GIT1: variants seen among roughly 807,000 people sequenced by gnomAD.
The protein encoded by GIT1 is GIT ArfGAP 1.
Under a neutral mutation model 91.7 loss-of-function variants are expected in GIT1, and 14 were observed. The observed-to-expected ratio is 0.15, with a 90% CI of 0.10 to 0.24. The LOEUF is 0.24. Ranked by LOEUF, GIT1 falls within the 10% of genes least tolerant of loss-of-function variation. GIT1 has a pLI of 1.00. For synonymous variants in GIT1, 414 were observed against 418.2 expected, an observed-to-expected ratio of 0.99 and a Z score of 0.12; for missense variants, 717 against 1,024.9, an observed-to-expected ratio of 0.70 and a Z score of 4.10.
chr17:29,582,098 C>A lies in GIT1; in HGVS notation c.452G>T (p.Arg151Leu), dbSNP rs770434832. Residue 151 changes from arginine to leucine, a missense_variant, in exon 5 of 20, where the codon CGC (arginine) becomes CTC (leucine). Transcript: ENST00000225394. Reference protein sequence around the residue: ...VRTGNLETCLRLLSLGAQANF... With the variant: ...VRTGNLETCLLLLSLGAQANF... ...GGCCTGGGCACCCAGGGAGAGCAGG[C>A]GCAGACATGTCTCCAGGTTGCCTGT... 6.2e-7 allele frequency: 1 copy of A among 1,601,882 alleles called. No individual in the cohort carries two copies. Among genetic ancestry groups the A allele is most frequent in the Non-Finnish European group, 8.5e-7 (1 of 1,178,806 alleles).
chr17:29,578,119 C>T (rs535713944), intron 9 of GIT1, among the ~76,000 whole-genome samples, 180 bp downstream of exon 9: 22 of 152,328 alleles, frequency 1.4e-4, no homozygotes, highest in African/African-American at 5.3e-4. Flanking sequence ...CCGCCTCCCC[C>T]TCAGCACTCT....
At chr17:29,588,278 C>G (rs2033666250) in intron 1 of GIT1, among the ~76,000 whole-genome samples, 1 of 152,214 alleles carries the variant, frequency 6.6e-6, no homozygotes, top group Admixed American at 6.5e-5. Context: ...AGGGAGATAG[C>G]TCCTTTGCTA....
At chr17:29,586,769 G>A (rs1423485886) in intron 1 of GIT1, among the ~76,000 whole-genome samples, 2 of 152,282 alleles carry the variant, frequency 1.3e-5, no homozygotes, top group African/African-American at 2.4e-5. Context: ...GACTGAGATC[G>A]TGTGGCGAGG....
chr17:29,585,227 C>G (rs2033554972), intron 1 of GIT1, among the ~76,000 whole-genome samples: 3 of 152,086 alleles, frequency 2.0e-5, no homozygotes, highest in Admixed American at 6.5e-5. Context: ...CCTCCCTCTC[C>G]CCACTCCAAA....
At chr17:29,582,224 C>T (rs1030233533) in intron 4 of GIT1, 80 bp from the exon 5 acceptor site, 1 of 1,066,016 alleles carries the variant, frequency 9.4e-7, no homozygotes, top group Non-Finnish European at 1.4e-6. Context: ...CCTGGCTGCC[C>T]CTGGGACACC....
intron 7 of GIT1, chr17:29,580,917 A>AT (rs1381574974): frequency 1.9e-5 from 4 of 212,762 alleles, no homozygotes; most frequent in South Asian, 7.3e-5. Flanking sequence ...AGTAGCTGAG[A>AT]TACAGGCATG....
intron 3 of GIT1, 24 bp from the exon 4 acceptor site, chr17:29,582,827 T>C (rs1396351172): frequency 1.3e-6 from 2 of 1,595,968 alleles, no homozygotes; most frequent in African/African-American, 1.3e-5. Context: ...ACAGGAGGAA[T>C]GGGGAGCATG....
At position 29,576,888 on chromosome 17, in the gene GIT1, C is replaced by A; in HGVS notation, c.1202G>T (p.Gly401Val). The A allele has an allele frequency of 6.3e-7, 1 of 1,575,790 alleles. No individual in the cohort carries two copies. The highest frequency in any genetic ancestry group is 8.6e-7 in the Non-Finnish European group (1 of 1,162,418). ...DTDQEPLRST[G>V]ATRSNRARSM... is the part of the protein sequence containing the mutation. ...CCGGGCCCGGTTGCTCCGAGTGGCG[C>A]CGGTGCTGCGCAGGGGCTCCTGGTC... Residue 401 changes from glycine (G) to valine (V), a missense_variant, in exon 12 of 20, where the codon GGC becomes GTC. Gly to Val is a moderately radical substitution (Grantham distance 109). Coordinates refer to ENST00000225394, the MANE Select transcript of GIT1 (RefSeq NM_014030.4).
intron 10 of GIT1, 141 bp from the exon 11 acceptor site, chr17:29,577,388 G>T: frequency 1.4e-6 from 1 of 731,024 alleles, no homozygotes; most frequent in Non-Finnish European, 2.3e-6. Context: ...CACCTGGCTA[G>T]TCAGCAGCCA....
chr17:29,583,861 C>T, intron 1 of GIT1: 1 of 503,946 alleles, frequency 2.0e-6, no homozygotes, highest in Non-Finnish European at 3.5e-6. Context: ...ATATGCAGTC[C>T]CCAGGGCCCA....
chr17:29,584,643 A>G (rs1199370220), intron 1 of GIT1, among the ~76,000 whole-genome samples: 1 of 152,198 alleles, frequency 6.6e-6, no homozygotes, highest in Non-Finnish European at 1.5e-5. Context: ...TGCTCTGCCC[A>G]GCGGCCCCCA....
Position 29,583,573 on chromosome 17 carries a change from G to A in GIT1, c.96C>T (p.Asp32=), listed in dbSNP as rs550562736. The change falls in exon 2 of 20, where the codon GAC becomes GAT. Residue 32 remains aspartate, a synonymous_variant. Coordinates refer to ENST00000225394, the MANE Select transcript of GIT1 (RefSeq NM_014030.4). ...ASISRGVLVC[D]ECCSVHRSLG... is the part of the protein sequence containing the mutation. The stretch of plus-strand genomic sequence containing the variant: ...GGCTCCGGTGCACGCTGCAGCACTC[G>A]TCACACACCAGCACACCCCTGCTGA... 3.5e-5 allele frequency: 56 copies of A among 1,608,128 alleles called. 1 individual carries two copies. The highest frequency in any genetic ancestry group is 1.6e-4 in the East Asian group (7 of 44,752).
intron 10 of GIT1, 137 bp downstream of exon 10, chr17:29,577,501 TTCCCAAA>T (rs2033253873): frequency 5.6e-6 from 4 of 709,332 alleles, no homozygotes; most frequent in Non-Finnish European, 1.0e-5. Flanking sequence ...CCTCCTGACC[TTCCCAAA>T]TCCCAGTGCC....
Position 29,575,693 on chromosome 17 carries a change from G to A in GIT1, c.1763C>T (p.Ser588Phe), listed in dbSNP as rs754857303. Residue 588 changes from serine (S) to phenylalanine (F), a missense_variant, in exon 17 of 20, where the codon TCC (serine) becomes TTC (phenylalanine). Physicochemically the swap from Ser to Phe is radical, Grantham distance 155. Coordinates refer to ENST00000225394, the MANE Select transcript of GIT1 (RefSeq NM_014030.4). The surrounding 1 kb of genome is among the most constrained non-coding windows in gnomAD (Gnocchi z 5.5). ...ACTGTCGGCTCCACTGCCGTGGCGGGAAAGCTTGCTCTGGAGGGCGGAGGG... is the reference window on the plus strand; with the variant it reads ...ACTGTCGGCTCCACTGCCGTGGCGGAAAAGCTTGCTCTGGAGGGCGGAGGG... ...QEGSRHTSKL[S>F]RHGSGADSDY... 6.2e-7 allele frequency: 1 copy of A among 1,612,490 alleles called. No homozygotes were observed. Among genetic ancestry groups the A allele is most frequent in the South Asian group, 1.1e-5 (1 of 91,082 alleles).
chr17:29,578,279 A>G lies in GIT1; in HGVS notation c.883+20T>C. On this transcript the variant is annotated intron_variant, in intron 9 of 19. Transcript: ENST00000225394. Reference sequence around the variant, plus strand: ...GCCGCTCGGGTCCTCCACGCCAGACACTCCTGCTCCCTGACTCACCTGCAT... The same window carrying G: ...GCCGCTCGGGTCCTCCACGCCAGACGCTCCTGCTCCCTGACTCACCTGCAT... 6.2e-7 allele frequency: 1 copy of G among 1,604,150 alleles called. No individual in the cohort carries two copies. The highest frequency in any genetic ancestry group is 8.5e-7 in the Non-Finnish European group (1 of 1,171,222).
intron 8 of GIT1, 55 bp downstream of exon 8, chr17:29,578,676 G>A: frequency 4.1e-6 from 6 of 1,445,888 alleles, no homozygotes; most frequent in Non-Finnish European, 1.9e-6. Context: ...GCAGAGGGTG[G>A]GGGATCAGAG....
In GIT1 at chr17:29,589,318, C is replaced by A; in HGVS notation, c.52+9G>T. The A allele has an allele frequency of 9.6e-7, 1 of 1,040,180 alleles. No individual in the cohort carries two copies. Among genetic ancestry groups the A allele is most frequent in the Non-Finnish European group, 1.2e-6 (1 of 863,788 alleles). The allele number at this position is 1,040,180 out of a possible 1,614,324, so 64.4% of individuals were successfully genotyped here. On this transcript the variant is annotated intron_variant, in intron 1 of 19. Coordinates refer to ENST00000225394, the MANE Select transcript of GIT1 (RefSeq NM_014030.4). The surrounding 1 kb of genome is among the most constrained non-coding windows in gnomAD (Gnocchi z 5.2). ...TGTGCGGTCCCGCCCCCGGCCCCGC[C>A]GCGCTTACCCGGGGCGCTGCAGTCC...
intron 1 of GIT1, among the ~76,000 whole-genome samples, chr17:29,584,544 A>ACTCAGGCTGCGGAAAGGTCAC (rs1409363623): frequency 8.5e-5 from 13 of 152,082 alleles, no homozygotes; most frequent in African/African-American, 3.1e-4. Context: ...GCTGCATACG[A>ACTCAGGCTGCGGAAAGGTCAC]CTCAGGCTGC....
chr17:29,580,575 A>G (rs1025026167), intron 7 of GIT1, among the ~76,000 whole-genome samples: 3 of 152,148 alleles, frequency 2.0e-5, no homozygotes, highest in Admixed American at 6.5e-5. Flanking sequence ...GAAACACCTC[A>G]TTCAACCAGC....
Sources: gnomAD v4.1 joint callset for allele counts (sites outside exome capture counted in the v4.1 genomes callset) on GRCh38, gnomAD v4.1.1 for gene constraint, Gnocchi (gnomAD v3.1) non-coding constraint, MANE v1.5 for transcripts, NCBI Gene and HGNC (gene_info 2026-07-23, HGNC 2026-07-21) for gene names.